The following IGF2R variants were observed in gnomAD, a reference collection of about 807,000 sequenced individuals.
IGF2R encodes the protein insulin like growth factor 2 receptor.
A neutral mutation model predicts 270.6 loss-of-function variants in IGF2R; 91 were observed. The observed-to-expected ratio is 0.34, with a 90% confidence interval of 0.28 to 0.40. IGF2R has a LOEUF of 0.40. IGF2R is among the 10% of genes least tolerant of loss of function. The pLI is 1.00. For missense variants in IGF2R, 2,805 were observed against 3,188.3 expected (o/e 0.88, Z 2.90); for synonymous variants, 1,316 against 1,258.9 (o/e 1.05, Z -0.96).
At position 160,088,167 on chromosome 6, in the gene IGF2R, A is replaced by ACTGCACAGTCCCGCTCT; in HGVS notation, c.6320+20_6320+21insCTGCACAGTCCCGCTCT. ...CAAGAGGTCAGGAGACTGGGGGCTC[A>ACTGCACAGTCCCGCTCT]GAGCGGGACTGTGCAGTGAGCATAC... On this transcript the variant is annotated intron_variant, in intron 42 of 47. Transcript: ENST00000356956. The ACTGCACAGTCCCGCTCT allele has an allele frequency of 7.0e-7, 1 of 1,427,134 alleles. No homozygotes were observed. The highest frequency in any genetic ancestry group is 9.9e-7 in the Non-Finnish European group (1 of 1,009,748). 88.4% of individuals were successfully genotyped at this position (1,427,134 alleles called of 1,614,324 possible).
chr6:160,029,409 A>G, intron 6 of IGF2R, 141 bp from the exon 7 acceptor site: 1 of 556,734 alleles, frequency 1.8e-6, no homozygotes, highest in Non-Finnish European at 3.2e-6. Context: ...ATTTTATACC[A>G]TATCTACTTT....
intron 4 of IGF2R, among the ~76,000 whole-genome samples, chr6:160,018,140 A>G (rs951794118): frequency 1.3e-5 from 2 of 152,160 alleles, no homozygotes; most frequent in African/African-American, 2.4e-5. Flanking sequence ...TGGTAAAGAC[A>G]TACACTGAAG....
At chr6:160,081,644 C>A (rs1450434564) in intron 39 of IGF2R, among the ~76,000 whole-genome samples, 1 of 152,354 alleles carries the variant, frequency 6.6e-6, no homozygotes, top group Middle Eastern at 3.4e-3. Context: ...TCTGCAACTG[C>A]ATAAGGCAGA....
intron 41 of IGF2R, among the ~76,000 whole-genome samples, chr6:160,086,293 C>G (rs1779096256): frequency 6.6e-6 from 1 of 152,234 alleles, no homozygotes; most frequent in Admixed American, 6.5e-5. Context: ...TGAGCACCTG[C>G]TGACCGGAAC....
At chr6:160,009,581 T>G (rs1784302256) in intron 3 of IGF2R, among the ~76,000 whole-genome samples, 1 of 152,172 alleles carries the variant, frequency 6.6e-6, no homozygotes, top group African/African-American at 2.4e-5. Context: ...GGGTATGGGG[T>G]TCTCAAGTTT....
Position 159,969,204 on chromosome 6 carries a change from C to A in IGF2R, c.-43C>A. On this transcript the variant is annotated 5_prime_UTR_variant, in exon 1 of 48. Transcript: ENST00000356956. ...CCGGGCGCGGCCCCCAGCAGTCGCG[C>A]GCCGTTAGCCTCGCGCCCGCCGCGC... 1.0e-6 allele frequency: 1 copy of A among 980,546 alleles called. No homozygotes were observed. Among genetic ancestry groups the A allele is most frequent in the Non-Finnish European group, 1.2e-6 (1 of 826,942 alleles). 60.7% of individuals were successfully genotyped at this position (980,546 alleles called of 1,614,324 possible).
In IGF2R at chr6:159,998,896, C is replaced by T. The variant is rs185617071; in HGVS notation, c.289+7573C>T. Among the ~76,000 whole-genome samples the T allele has an allele frequency of 6.6e-6, 1 of 152,294 alleles. No individual in the cohort carries two copies. The highest frequency in any genetic ancestry group is 1.9e-4 in the East Asian group (1 of 5,190). On this transcript the variant is annotated intron_variant, in intron 2 of 47. Coordinates refer to ENST00000356956, the MANE Select transcript of IGF2R (RefSeq NM_000876.4). The surrounding 1 kb of genome is among the most constrained non-coding windows in gnomAD (Gnocchi z 4.1). The stretch of plus-strand genomic sequence containing the variant: ...GGCCTAATGTTTAAAAGTAAAATAT[C>T]TCATTTAATTCATTCAACAACCCTT...
intron 2 of IGF2R, among the ~76,000 whole-genome samples, chr6:159,993,474 G>T (rs1784007846): frequency 6.6e-6 from 1 of 152,116 alleles, no homozygotes; most frequent in South Asian, 2.1e-4. Context: ...ATTGAATAGG[G>T]TGTCCCTTCG....
At chr6:160,054,736 T>C (rs1778273607) in intron 19 of IGF2R, among the ~76,000 whole-genome samples, 1 of 152,220 alleles carries the variant, frequency 6.6e-6, no homozygotes, top group African/African-American at 2.4e-5. Flanking sequence ...TTTCATTTCT[T>C]ATTACCTGTA....
intron 4 of IGF2R, among the ~76,000 whole-genome samples, chr6:160,019,018 T>A (rs1048622015): frequency 1.3e-5 from 2 of 151,726 alleles, no homozygotes; most frequent in African/African-American, 2.4e-5. Flanking sequence ...ATAAAAAAAA[T>A]GAGAAGTTGG....
chr6:159,992,486 G>A (rs943316257), intron 2 of IGF2R, among the ~76,000 whole-genome samples: 1 of 152,016 alleles, frequency 6.6e-6, no homozygotes, highest in African/African-American at 2.4e-5. Flanking sequence ...CTCTTTCTGA[G>A]TTATTTTACT....
intron 2 of IGF2R, among the ~76,000 whole-genome samples, chr6:159,996,588 C>T (rs904478177): frequency 4.6e-5 from 7 of 152,166 alleles, no homozygotes; most frequent in African/African-American, 7.2e-5. Flanking sequence ...GGGGGTTGCT[C>T]CAGCTCCATG....
intron 44 of IGF2R, chr6:160,093,288 A>G (rs1053917357): frequency 9.0e-6 from 2 of 221,438 alleles, no homozygotes; most frequent in Non-Finnish European, 1.8e-5. Context: ...CAGGTACTGC[A>G]TGGCCAGCCC....
At chr6:159,975,296 G>A (rs549964169) in intron 1 of IGF2R, among the ~76,000 whole-genome samples, 4 of 152,166 alleles carry the variant, frequency 2.6e-5, no homozygotes, top group Non-Finnish European at 5.9e-5. Context: ...CAAGGGATAC[G>A]GATGAAGAGA....
intron 19 of IGF2R, among the ~76,000 whole-genome samples, chr6:160,052,079 G>T (rs1778210819): frequency 6.6e-6 from 1 of 152,116 alleles, no homozygotes; most frequent in South Asian, 2.1e-4. Context: ...ATGTGCACCT[G>T]TAGTCCTGGC....
chr6:159,975,128 C>G (rs888752449), intron 1 of IGF2R, among the ~76,000 whole-genome samples: 13 of 152,152 alleles, frequency 8.5e-5, no homozygotes, highest in African/African-American at 2.9e-4. Context: ...GAGACCGCTC[C>G]CCACCCCACA....
In IGF2R at chr6:160,105,081, C is replaced by A. The variant is rs769597913; in HGVS notation, c.7473C>A (p.Ile2491=). 7 of 1,571,238 alleles carry A rather than the reference C, an allele frequency of 4.5e-6. No homozygotes were observed. The South Asian group carries it at 5.9e-5, about 13-fold the overall frequency. Residue 2491 remains isoleucine, a synonymous_variant, in exon 48 of 48, where the codon ATC becomes ATA. Transcript: ENST00000356956. ...HDDSDEDLLH[I] is the part of the protein sequence containing the mutation. Reference sequence around the variant, plus strand: ...ACAGCGACGAGGACCTCTTACACATCTGACTCCGCAGTGCCTGCAGGGGAG... The same window carrying A: ...ACAGCGACGAGGACCTCTTACACATATGACTCCGCAGTGCCTGCAGGGGAG...
chr6:160,104,553 G>A, intron 47 of IGF2R, 121 bp from the exon 48 acceptor site: 1 of 984,790 alleles, frequency 1.0e-6, no homozygotes, highest in Non-Finnish European at 1.5e-6. Context: ...TGACTGTGAG[G>A]ACAGTGGGCC....
intron 31 of IGF2R, among the ~76,000 whole-genome samples, chr6:160,070,471 C>T (rs1381148337): frequency 6.6e-6 from 1 of 152,218 alleles, no homozygotes. Flanking sequence ...GTAGTCTGCC[C>T]TGCTCAGCCG....
Sources: allele counts gnomAD v4.1 joint callset (sites outside exome capture counted in the v4.1 genomes callset), GRCh38; gene constraint gnomAD v4.1.1; non-coding constraint Gnocchi (gnomAD v3.1); transcripts MANE v1.5; gene names NCBI Gene and HGNC (gene_info 2026-07-23, HGNC 2026-07-21).